The following KATNAL2 variants were observed in gnomAD, a reference collection of about 807,000 sequenced individuals.
The protein encoded by KATNAL2 is katanin p60 ATPase-containing subunit A-like 2.
Under a neutral mutation model 76.3 loss-of-function variants are expected in KATNAL2, and 52 were observed. The ratio of observed to expected loss-of-function variants is 0.68; its 90% CI spans 0.55 to 0.86. The LOEUF (loss-of-function observed/expected upper bound fraction) is 0.86, where lower values mean the gene tolerates loss of function less well. Ranked by LOEUF, KATNAL2 falls within the 40% of genes least tolerant of loss-of-function variation. The pLI is 0.00. For missense variants in KATNAL2, 660 were observed against 668.9 expected (o/e 0.99, Z 0.15); for synonymous variants, 243 against 244.2 (o/e 1.00, Z 0.05).
intron 1 of KATNAL2, among the ~76,000 whole-genome samples, chr18:46,928,962 A>AT (rs1213389784): frequency 6.6e-6 from 1 of 151,434 alleles, no homozygotes; most frequent in Admixed American, 6.6e-5. Context: ...CGCCCTGCTA[A>AT]TTTTTTTTGT....
At chr18:46,930,239 G>C (rs1337688233) in intron 1 of KATNAL2, among the ~76,000 whole-genome samples, 1 of 152,034 alleles carries the variant, frequency 6.6e-6, no homozygotes, top group East Asian at 1.9e-4. Context: ...TGAAATGCTT[G>C]TTCTTGACTT....
At chr18:46,956,380 G>A (rs555396243) in intron 3 of KATNAL2, among the ~76,000 whole-genome samples, 25 of 152,108 alleles carry the variant, frequency 1.6e-4, no homozygotes, top group Admixed American at 1.1e-3. Context: ...TTTTCTCTTG[G>A]TTTTCATGAT....
chr18:47,054,084 A>G (rs1336034666), intron 5 of KATNAL2, among the ~76,000 whole-genome samples: 3 of 152,246 alleles, frequency 2.0e-5, no homozygotes, highest in Non-Finnish European at 4.4e-5. Context: ...AGTTCATGAA[A>G]GCGTAATGAA....
At chr18:46,934,761 C>G (rs2059038440) in intron 1 of KATNAL2, among the ~76,000 whole-genome samples, 1 of 152,104 alleles carries the variant, frequency 6.6e-6, no homozygotes, top group Non-Finnish European at 1.5e-5. Context: ...AGGTTTTCTT[C>G]TAGGGTTTTT....
chr18:46,944,993 G>A (rs953718486), intron 1 of KATNAL2, among the ~76,000 whole-genome samples: 1 of 152,144 alleles, frequency 6.6e-6, no homozygotes, highest in Admixed American at 6.5e-5. Context: ...AAGTAGCATG[G>A]CATTTCACAT....
At chr18:47,054,768 G>T (rs1223683248) in intron 6 of KATNAL2, among the ~76,000 whole-genome samples, 1 of 152,188 alleles carries the variant, frequency 6.6e-6, no homozygotes, top group Non-Finnish European at 1.5e-5. Flanking sequence ...GCAAGTTTTG[G>T]ACACATAGTG....
In KATNAL2 at chr18:47,101,653, T is replaced by G. The variant is rs2063440395; in HGVS notation, c.*648T>G. 6.5e-6 allele frequency: 1 copy of G among 153,068 alleles called. No homozygotes were observed. The highest frequency in any genetic ancestry group is 1.5e-5 in the Non-Finnish European group (1 of 68,662). 9.5% of individuals were successfully genotyped at this position (153,068 alleles called of 1,614,324 possible). On this transcript the variant is annotated 3_prime_UTR_variant, in exon 18 of 18. Coordinates refer to ENST00000683218, the MANE Select transcript of KATNAL2 (RefSeq NM_001387690.1). Reference sequence around the variant, plus strand: ...GCACACCATCACCATCAGCTGCCAGTCTGATTGTTTTGGGTTCTGGCCCCC... The same window carrying G: ...GCACACCATCACCATCAGCTGCCAGGCTGATTGTTTTGGGTTCTGGCCCCC...
chr18:47,091,777 C>G (rs968836926), intron 15 of KATNAL2, among the ~76,000 whole-genome samples: 2 of 152,150 alleles, frequency 1.3e-5, no homozygotes, highest in African/African-American at 2.4e-5. Context: ...TCTGGACTTC[C>G]TTTAGACAGG....
intron 13 of KATNAL2, 118 bp downstream of exon 13, chr18:47,069,718 T>C (rs2061930349): frequency 3.2e-6 from 2 of 630,586 alleles, no homozygotes; most frequent in Non-Finnish European, 5.5e-6. Context: ...GATCCACTCC[T>C]GGATCTTGAT....
chr18:47,037,382 A>G (rs1333007503), intron 3 of KATNAL2, among the ~76,000 whole-genome samples: 1 of 152,226 alleles, frequency 6.6e-6, no homozygotes, highest in African/African-American at 2.4e-5. Flanking sequence ...AGATTATTGA[A>G]ACATGCAAAT....
intron 3 of KATNAL2, among the ~76,000 whole-genome samples, chr18:46,961,885 T>C (rs919897514): frequency 3.3e-5 from 5 of 152,222 alleles, no homozygotes; most frequent in Admixed American, 1.3e-4. Flanking sequence ...AACCGTATGA[T>C]ATGATTGAGA....
Position 47,075,315 on chromosome 18 carries a change from G to A in KATNAL2, c.1047G>A (p.Thr349=). 6.4e-7 allele frequency: 1 copy of A among 1,561,532 alleles called. No individual in the cohort carries two copies. ...TTGCCCGCTACCACGCCCCATCCACGATCTTCCTGGACGAGCTGGAGTCGG... is the reference window on the plus strand; with the variant it reads ...TTGCCCGCTACCACGCCCCATCCACAATCTTCCTGGACGAGCTGGAGTCGG... ...FELARYHAPS[T]IFLDELESVM... Residue 349 remains threonine, a synonymous_variant, in exon 14 of 18, where the codon ACG becomes ACA. Coordinates refer to ENST00000683218, the MANE Select transcript of KATNAL2 (RefSeq NM_001387690.1).
At chr18:46,953,703 G>A (rs1263456652) in intron 3 of KATNAL2, among the ~76,000 whole-genome samples, 7 of 151,998 alleles carry the variant, frequency 4.6e-5, no homozygotes, top group Non-Finnish European at 2.9e-5. Flanking sequence ...GCTGCAGTGA[G>A]CCGTGATCAC....
intron 15 of KATNAL2, among the ~76,000 whole-genome samples, chr18:47,086,482 A>AT (rs1375776182): frequency 1.3e-5 from 2 of 152,106 alleles, no homozygotes; most frequent in Admixed American, 1.3e-4. Context: ...TGCCCAGCTA[A>AT]TTTTTTGTAT....
At chr18:47,034,046 G>C (rs376811045) in intron 3 of KATNAL2, 16 of 1,614,088 alleles carry the variant, frequency 9.9e-6, no homozygotes, top group Non-Finnish European at 1.4e-5. Context: ...TTATCTCCAA[G>C]TGCAGTGGTG....
chr18:47,051,184 A>T (rs2061330574), intron 4 of KATNAL2, among the ~76,000 whole-genome samples: 1 of 152,132 alleles, frequency 6.6e-6, no homozygotes, highest in African/African-American at 2.4e-5. Context: ...CATCGAATTC[A>T]AACCTCATTC....
chr18:47,054,659 G>A, intron 6 of KATNAL2: 1 of 541,296 alleles, frequency 1.8e-6, no homozygotes. Flanking sequence ...TATATCCTGT[G>A]ATGCTCTGTC....
chr18:47,076,851 T>C (rs970081964), intron 14 of KATNAL2, among the ~76,000 whole-genome samples: 1 of 150,156 alleles, frequency 6.7e-6, no homozygotes, highest in African/African-American at 2.4e-5. Context: ...TCTTCTCTCT[T>C]AGGCAAAGGT....
intron 1 of KATNAL2, among the ~76,000 whole-genome samples, chr18:46,926,952 A>C (rs561886203): frequency 6.6e-6 from 1 of 152,120 alleles, no homozygotes; most frequent in African/African-American, 2.4e-5. Flanking sequence ...ATCTTCCTCC[A>C]TCCCTTATTT....
Sources: gnomAD v4.1 joint callset for allele counts (sites outside exome capture counted in the v4.1 genomes callset) on GRCh38, gnomAD v4.1.1 for gene constraint, MANE v1.5 for transcripts, NCBI Gene and HGNC (gene_info 2026-07-23, HGNC 2026-07-21) for gene names.